The following ZFHX3 variants were observed in gnomAD, a reference collection of about 807,000 sequenced individuals.
ZFHX3 encodes the protein zinc finger homeobox protein 3.
ZFHX3 carries 42 observed loss-of-function variants against 279.1 expected under a neutral mutation model. That is an observed-to-expected ratio of 0.15 (90% confidence interval 0.12 to 0.19). The LOEUF is 0.19. Among genes scored for constraint, ZFHX3 ranks in the 10% least tolerant of loss-of-function variants. The pLI, the probability that ZFHX3 is intolerant of heterozygous loss-of-function variation, is 1.00. For synonymous variants in ZFHX3, 2,293 were observed against 1,957.8 expected (o/e 1.17, Z -4.52); for missense variants, 4,981 against 4,754.0 (o/e 1.05, Z -1.40).
chr16:73,599,030 GGATTACAGGTGT>G (rs2052082612), intron 2 of ZFHX3, among the ~76,000 whole-genome samples: 1 of 152,190 alleles, frequency 6.6e-6, no homozygotes, highest in Admixed American at 6.5e-5. Context: ...CAAAGTGCTG[GGATTACAGGTGT>G]GAGCCACCAC....
intron 3 of ZFHX3, among the ~76,000 whole-genome samples, chr16:73,364,420 G>A (rs1033444204): frequency 1.3e-5 from 2 of 151,256 alleles, no homozygotes; most frequent in East Asian, 3.9e-4. Flanking sequence ...ATATTAGTAG[G>A]TATACATAAG....
At chr16:73,375,286 A>G (rs943536573) in intron 3 of ZFHX3, among the ~76,000 whole-genome samples, 1 of 152,192 alleles carries the variant, frequency 6.6e-6, no homozygotes, top group East Asian at 1.9e-4. Flanking sequence ...TCTTTGGCTG[A>G]TGGCACTTCA....
chr16:73,546,671 T>TGCTGCTGCTGC (rs2020113754), intron 2 of ZFHX3, among the ~76,000 whole-genome samples: 1 of 143,412 alleles, frequency 7.0e-6, no homozygotes, highest in Non-Finnish European at 1.5e-5. Context: ...GGTGCTGCTG[T>TGCTGCTGCTGC]TGCTGCTGCT....
At chr16:73,131,029 G>A in exon 7 of ZFHX3, 1 of 1,300,308 alleles carries the variant, frequency 7.7e-7, no homozygotes, top group Non-Finnish European at 1.0e-6. Context: ...TAGACCCCCT[G>A]GGCTCCAATC....
At chr16:73,858,095 CAAA>C (rs111695031) in intron 1 of ZFHX3, among the ~76,000 whole-genome samples, 1 of 132,318 alleles carries the variant, frequency 7.6e-6, no homozygotes, top group Non-Finnish European at 1.6e-5. Flanking sequence ...GATTCTGTCT[CAAA>C]AAAAAAAAAA....
At chr16:73,254,376 G>A (rs574195953) in intron 5 of ZFHX3, among the ~76,000 whole-genome samples, 1 of 151,744 alleles carries the variant, frequency 6.6e-6, no homozygotes, top group South Asian at 2.1e-4. Context: ...ATGTCTAATT[G>A]TTTTGGCTTC....
chr16:73,448,931 T>C (rs1450555941), intron 3 of ZFHX3, among the ~76,000 whole-genome samples: 1 of 152,172 alleles, frequency 6.6e-6, no homozygotes, highest in Non-Finnish European at 1.5e-5. Flanking sequence ...CACAGTCTTT[T>C]CCATAACATC....
chr16:73,737,854 A>C (rs981411914), intron 1 of ZFHX3, among the ~76,000 whole-genome samples: 2 of 152,184 alleles, frequency 1.3e-5, no homozygotes, highest in Admixed American at 1.3e-4. Flanking sequence ...GAGAAGGGAA[A>C]AAGAGATAAA....
chr16:73,357,047 C>T (rs1291329867), intron 3 of ZFHX3, among the ~76,000 whole-genome samples: 2 of 151,936 alleles, frequency 1.3e-5, no homozygotes, highest in African/African-American at 4.8e-5. Flanking sequence ...TGGAAATGTG[C>T]TAGATAATAC....
At position 72,788,575 on chromosome 16, in the gene ZFHX3, T is replaced by A; in HGVS notation, c.9701A>T (p.Asp3234Val). The A allele has an allele frequency of 6.2e-7, 1 of 1,614,084 alleles. No homozygotes were observed. Among genetic ancestry groups the A allele is most frequent in the Non-Finnish European group, 8.5e-7 (1 of 1,180,012 alleles). Residue 3234 changes from aspartate to valine, a missense_variant, in exon 10 of 10, where the codon GAC becomes GTC. By Grantham distance (152) the Asp-to-Val change is radical. Coordinates refer to ENST00000268489, the MANE Select transcript of ZFHX3 (RefSeq NM_006885.4). The part of the protein sequence containing the change: ...LPLQQQQQRK[D>V]KDSEKVKEKE... ...CTCCTTTACTTTCTCACTGTCTTTG[T>A]CCTTGCGTTGCTGCTGCTGTTGCAG...
intron 8 of ZFHX3, chr16:73,093,014 C>T: frequency 1.9e-6 from 1 of 520,064 alleles, no homozygotes; most frequent in Non-Finnish European, 3.8e-6. Flanking sequence ...TTTCTTCGGG[C>T]CCTTGTTTTC....
intron 8 of ZFHX3, among the ~76,000 whole-genome samples, chr16:73,091,727 G>A (rs993315195): frequency 2.6e-5 from 4 of 152,112 alleles, no homozygotes; most frequent in African/African-American, 7.2e-5. Flanking sequence ...TCAGAAATTC[G>A]CAAAATATAG....
chr16:72,808,855 G>C (rs985491898), intron 7 of ZFHX3, among the ~76,000 whole-genome samples: 9 of 152,210 alleles, frequency 5.9e-5, no homozygotes, highest in African/African-American at 2.2e-4. Context: ...TTGACGGAGG[G>C]TCAGTAACAG....
chr16:73,883,129 T>A lies in ZFHX3; in HGVS notation c.-1608+8522A>T, dbSNP rs577569708. On this transcript the variant is annotated intron_variant, in intron 1 of 17. Transcript: ENST00000641206. ...GGTTTTTTGGTTGTTGTTTTTCTTT[T>A]TTTAAGGTGGGCAATTTCAGAATGA... Among the ~76,000 whole-genome samples, 3 of 152,290 alleles carry A rather than the reference T, an allele frequency of 2.0e-5. No homozygotes were observed. The South Asian group carries it at 6.2e-4, about 32-fold the overall frequency.
At chr16:73,130,971 T>C in exon 7 of ZFHX3, 3 of 1,305,272 alleles carry the variant, frequency 2.3e-6, no homozygotes, top group Non-Finnish European at 3.0e-6. Flanking sequence ...CACCAACCTC[T>C]ATGCAACTGC....
At chr16:73,625,090 C>T (rs917478531) in intron 2 of ZFHX3, among the ~76,000 whole-genome samples, 3 of 152,152 alleles carry the variant, frequency 2.0e-5, no homozygotes, top group African/African-American at 7.2e-5. Context: ...AGAAAAATGT[C>T]TTTGGATTCT....
At chr16:73,401,886 C>T (rs1181037910) in intron 3 of ZFHX3, 1 of 152,098 alleles carries the variant, frequency 6.6e-6, no homozygotes, top group Non-Finnish European at 1.5e-5. Flanking sequence ...GGTCTGACTC[C>T]ATAGAGATTT....
chr16:73,018,142 C>T (rs776341432), intron 1 of ZFHX3, among the ~76,000 whole-genome samples: 1 of 151,944 alleles, frequency 6.6e-6, no homozygotes, highest in African/African-American at 2.4e-5. Flanking sequence ...TGCGCCATCA[C>T]ACCCGGCTAA....
intron 3 of ZFHX3, among the ~76,000 whole-genome samples, chr16:73,376,714 G>A (rs902846667): frequency 1.3e-5 from 2 of 152,278 alleles, no homozygotes; most frequent in South Asian, 2.1e-4. Context: ...TGTGGCAGTC[G>A]TGAGGAGGAG....
Sources: allele counts gnomAD v4.1 joint callset (sites outside exome capture counted in the v4.1 genomes callset), GRCh38; gene constraint gnomAD v4.1.1; transcripts MANE v1.5; gene names NCBI Gene and HGNC (gene_info 2026-07-23, HGNC 2026-07-21).